EFCAB11: variants seen among roughly 807,000 people sequenced by gnomAD.
The protein encoded by EFCAB11 is EF-hand calcium-binding domain-containing protein 11.
In EFCAB11, 14 loss-of-function variants were observed where a neutral mutation model predicts 23.0. The observed-to-expected ratio is 0.61, with a 90% CI of 0.40 to 0.95. The LOEUF (loss-of-function observed/expected upper bound fraction) is 0.95. Among genes scored for constraint, EFCAB11 ranks in the 40% least tolerant of loss-of-function variants. EFCAB11 has a pLI of 0.00. For missense variants in EFCAB11, 198 were observed against 195.8 expected (o/e 1.01, Z -0.07); for synonymous variants, 65 against 66.6 (o/e 0.98, Z 0.11).
rs554593621 is a variant in EFCAB11 at position 89,851,928 on chromosome 14, C to G, written c.411-54604G>C. Among the ~76,000 whole-genome samples, 3 of 152,238 alleles carry G rather than the reference C, an allele frequency of 2.0e-5. No homozygotes were observed. In the East Asian group the frequency reaches 5.8e-4, roughly 29 times the overall value. On this transcript the variant is annotated intron_variant, in intron 5 of 5. Transcript: ENST00000316738. ...CACGAAAGGAAGATGATCTCTAGTA[C>G]AAAAGTGGAGAGTTTGCCAAAGGAT...
chr14:89,950,068 C>T (rs769690868), intron 3 of EFCAB11, 29 bp downstream of exon 3: 2 of 1,516,724 alleles, frequency 1.3e-6, no homozygotes, highest in Non-Finnish European at 1.8e-6. Context: ...AAATAAGGTA[C>T]TAAAAATTAA....
intron 5 of EFCAB11, among the ~76,000 whole-genome samples, chr14:89,835,384 T>A (rs1350482290): frequency 1.3e-5 from 2 of 152,178 alleles, no homozygotes; most frequent in Non-Finnish European, 2.9e-5. Flanking sequence ...AAGACAAAAT[T>A]CACTGATACT....
At chr14:89,911,348 AT>A (rs543917622) in intron 5 of EFCAB11, among the ~76,000 whole-genome samples, 45 of 152,308 alleles carry the variant, frequency 3.0e-4, no homozygotes, top group African/African-American at 1.1e-3. Context: ...GGCTGAAGGA[AT>A]GCTGCAGGCA....
At chr14:89,800,424 G>C (rs1171774878) in intron 5 of EFCAB11, among the ~76,000 whole-genome samples, 1 of 152,132 alleles carries the variant, frequency 6.6e-6, no homozygotes, top group East Asian at 1.9e-4. Flanking sequence ...GAACAATTTA[G>C]AGTTAAGAAG....
At chr14:89,877,987 C>T (rs1391244630) in intron 5 of EFCAB11, among the ~76,000 whole-genome samples, 6 of 152,152 alleles carry the variant, frequency 3.9e-5, no homozygotes, top group Non-Finnish European at 1.5e-5. Context: ...TGATTATTAC[C>T]ACTTTTGTTC....
chr14:89,932,390 C>T (rs1650591741), intron 4 of EFCAB11, 136 bp downstream of exon 4: 4 of 654,968 alleles, frequency 6.1e-6, no homozygotes, highest in Non-Finnish European at 7.6e-6. Flanking sequence ...TGCATCAATA[C>T]CTAAGGTAAC....
intron 5 of EFCAB11, among the ~76,000 whole-genome samples, chr14:89,813,288 ACT>A (rs2140091940): frequency 6.6e-6 from 1 of 152,240 alleles, no homozygotes; most frequent in African/African-American, 2.4e-5. Flanking sequence ...ATAACTTCAT[ACT>A]CTCTGATACG....
intron 5 of EFCAB11, among the ~76,000 whole-genome samples, chr14:89,897,892 G>A (rs889124185): frequency 6.6e-6 from 1 of 152,096 alleles, no homozygotes; most frequent in Admixed American, 6.6e-5. Flanking sequence ...TGAAAATAAG[G>A]AAGGAAAACA....
At chr14:89,824,790 C>G (rs547501986) in intron 5 of EFCAB11, among the ~76,000 whole-genome samples, 1 of 151,772 alleles carries the variant, frequency 6.6e-6, no homozygotes, top group East Asian at 1.9e-4. Flanking sequence ...ATAGCAGGGT[C>G]GATTAATCAA....
intron 5 of EFCAB11, among the ~76,000 whole-genome samples, chr14:89,816,927 A>G (rs1189693240): frequency 6.6e-6 from 1 of 152,178 alleles, no homozygotes; most frequent in Admixed American, 6.5e-5. Flanking sequence ...TTTCAAAATT[A>G]GATTTCTCTT....
intron 5 of EFCAB11, among the ~76,000 whole-genome samples, chr14:89,832,087 A>G (rs1886904956): frequency 6.6e-6 from 1 of 151,998 alleles, no homozygotes; most frequent in Non-Finnish European, 1.5e-5. Context: ...CTAAGGTAGG[A>G]TGATCATTAG....
intron 3 of EFCAB11, among the ~76,000 whole-genome samples, chr14:89,945,293 G>GTTAAAGATAATTTTGTAGTTA (rs1890940122): frequency 1.3e-5 from 2 of 152,004 alleles, no homozygotes; most frequent in African/African-American, 4.8e-5. Flanking sequence ...GTTAAAGGTA[G>GTTAAAGATAATTTTGTAGTTA]AAGATAATTA....
intron 5 of EFCAB11, among the ~76,000 whole-genome samples, chr14:89,908,080 C>G (rs1889553177): frequency 6.6e-6 from 1 of 152,206 alleles, no homozygotes; most frequent in South Asian, 2.1e-4. Flanking sequence ...ACTGTCATCT[C>G]TCAATTATTC....
At chr14:89,954,391 T>C (rs534209331) in intron 1 of EFCAB11, 195 bp downstream of exon 1, 713 of 1,536,194 alleles carry the variant, frequency 4.6e-4, no homozygotes, top group Middle Eastern at 1.2e-3. Flanking sequence ...GAGATGGAAC[T>C]TGGAGGTAGC....
At chr14:89,818,399 G>C (rs555399412) in intron 5 of EFCAB11, among the ~76,000 whole-genome samples, 1 of 151,738 alleles carries the variant, frequency 6.6e-6, no homozygotes, top group East Asian at 1.9e-4. Context: ...CAGACAACAA[G>C]TAAGTAGAAC....
At position 89,795,331 on chromosome 14, in the gene EFCAB11, C is replaced by T. The variant is rs1487885326; in HGVS notation, c.*1912G>A. On this transcript the variant is annotated 3_prime_UTR_variant, in exon 6 of 6. Coordinates refer to ENST00000316738, the MANE Select transcript of EFCAB11 (RefSeq NM_145231.4). ...TGATCTCATCCAGGATACCAAATGA[C>T]ATTTAGTTGTCACATCTTGTTAGGC... 1 of 150,868 alleles carries T rather than the reference C, an allele frequency of 6.6e-6. No individual in the cohort carries two copies. Among genetic ancestry groups the T allele is most frequent in the Admixed American group, 6.6e-5 (1 of 15,182 alleles). The allele number at this position is 150,868 out of a possible 1,614,324, so 9.3% of individuals were successfully genotyped here. A position where few individuals can be genotyped will look rare whatever the true frequency, so the allele number is the denominator to read the frequency against.
At chr14:89,948,807 A>C (rs1042751220) in intron 3 of EFCAB11, among the ~76,000 whole-genome samples, 3 of 152,142 alleles carry the variant, frequency 2.0e-5, no homozygotes, top group Non-Finnish European at 4.4e-5. Flanking sequence ...GGACATAGAA[A>C]GTAGAAGGAT....
intron 5 of EFCAB11, chr14:89,833,250 G>C (rs1566776326): frequency 6.6e-6 from 1 of 152,208 alleles, no homozygotes; most frequent in Non-Finnish European, 1.5e-5. Context: ...GGCAGGAACA[G>C]ATGGAATGAA....
At chr14:89,831,047 A>T (rs8016372) in intron 5 of EFCAB11, 61,859 of 152,352 alleles carry the variant, frequency 0.41, 13,827 homozygotes, top group East Asian at 0.72. Flanking sequence ...AAGTAGATTG[A>T]TGGGGGCAAA....
Sources: gnomAD v4.1 joint callset for allele counts (sites outside exome capture counted in the v4.1 genomes callset) on GRCh38, gnomAD v4.1.1 for gene constraint, MANE v1.5 for transcripts, NCBI Gene and HGNC (gene_info 2026-07-23, HGNC 2026-07-21) for gene names.